FBXL7: variants seen among roughly 807,000 people sequenced by gnomAD.
FBXL7 encodes F-box and leucine rich repeat protein 7, also known as F-box/LRR-repeat protein 7.
Under a neutral mutation model 38.3 loss-of-function variants are expected in FBXL7, and 12 were observed. That is an observed-to-expected ratio of 0.31 (90% CI 0.20 to 0.51). The LOEUF is 0.51. Ranked by LOEUF, FBXL7 falls within the 20% of genes least tolerant of loss-of-function variation. FBXL7 has a pLI of 0.98. For missense variants in FBXL7, 567 were observed against 676.4 expected, an observed-to-expected ratio of 0.84 and a Z score of 1.79; for synonymous variants, 297 against 300.9, an observed-to-expected ratio of 0.99 and a Z score of 0.13.
chr5:15,521,108 C>T lies in FBXL7; in HGVS notation c.37+20395C>T, dbSNP rs185512266. Reference sequence around the variant, plus strand: ...CTAGCTGGACTAATTGCTAGTTGCCCGATCTTGTGCAAGTTTCTTAACCTA... The same window carrying T: ...CTAGCTGGACTAATTGCTAGTTGCCTGATCTTGTGCAAGTTTCTTAACCTA... On this transcript the variant is annotated intron_variant, in intron 1 of 3. Transcript: ENST00000504595. Among the ~76,000 whole-genome samples, 713 of 152,292 alleles carry T rather than the reference C, an allele frequency of 4.7e-3. 1 individual carries two copies. The highest frequency in any genetic ancestry group is 7.8e-3 in the Non-Finnish European group (532 of 68,036).
chr5:15,743,878 C>T (rs1043011933), intron 2 of FBXL7, among the ~76,000 whole-genome samples: 2 of 152,204 alleles, frequency 1.3e-5, no homozygotes, highest in Non-Finnish European at 1.5e-5. Flanking sequence ...ACGTGTAATC[C>T]ACCAAGGCTT....
chr5:15,738,091 C>A (rs958541473), intron 2 of FBXL7, among the ~76,000 whole-genome samples: 1 of 152,006 alleles, frequency 6.6e-6, no homozygotes, highest in Non-Finnish European at 1.5e-5. Context: ...TGGGAGGCAC[C>A]GTAGAACACA....
intron 2 of FBXL7, among the ~76,000 whole-genome samples, chr5:15,846,852 TAAA>T (rs1222930212): frequency 2.0e-5 from 3 of 152,168 alleles, no homozygotes; most frequent in Non-Finnish European, 4.4e-5. Context: ...GCAAATGATG[TAAA>T]AAGTTAATTC....
intron 2 of FBXL7, among the ~76,000 whole-genome samples, chr5:15,762,668 GTTAA>G (rs1736481058): frequency 6.6e-6 from 1 of 152,168 alleles, no homozygotes; most frequent in Non-Finnish European, 1.5e-5. Flanking sequence ...TGTTTTGAAA[GTTAA>G]TTAAATTCTT....
At position 15,832,392 on chromosome 5, in the gene FBXL7, G is replaced by A. The variant is rs1224052443; in HGVS notation, c.128-95498G>A. Among the ~76,000 whole-genome samples, 6 of 152,194 alleles carry A rather than the reference G, an allele frequency of 3.9e-5. No individual in the cohort carries two copies. In the East Asian group the frequency reaches 9.6e-4, roughly 24 times the overall value. On this transcript the variant is annotated intron_variant, in intron 2 of 3. Transcript: ENST00000504595. ...ACTAGGGAATAAATCAAGCAAGGGA[G>A]TGATTTGTTCCTTAACAAATACCAG... is the stretch of plus-strand genomic sequence containing the variant.
At chr5:15,821,162 GA>G (rs1235964181) in intron 2 of FBXL7, among the ~76,000 whole-genome samples, 1 of 152,148 alleles carries the variant, frequency 6.6e-6, no homozygotes, top group Non-Finnish European at 1.5e-5. Context: ...CCAAAGGTAA[GA>G]AATCACTGGG....
chr5:15,537,268 A>G (rs1380434178), intron 1 of FBXL7, among the ~76,000 whole-genome samples: 2 of 152,170 alleles, frequency 1.3e-5, no homozygotes, highest in African/African-American at 4.8e-5. Context: ...AGGAAGTGAA[A>G]TATCTTTTCA....
At chr5:15,923,856 GC>G (rs980521622) in intron 2 of FBXL7, among the ~76,000 whole-genome samples, 8 of 151,374 alleles carry the variant, frequency 5.3e-5, no homozygotes, top group Admixed American at 1.3e-4. Context: ...TCCCCCCTCC[GC>G]CCCCATGCAC....
intron 1 of FBXL7, among the ~76,000 whole-genome samples, chr5:15,592,604 A>G (rs774524886): frequency 6.6e-6 from 1 of 152,176 alleles, no homozygotes; most frequent in Non-Finnish European, 1.5e-5. Context: ...CCTCATGGAA[A>G]TGTTGTGCCA....
intron 2 of FBXL7, among the ~76,000 whole-genome samples, chr5:15,676,477 T>C (rs1742659178): frequency 6.6e-6 from 1 of 152,174 alleles, no homozygotes; most frequent in Non-Finnish European, 1.5e-5. Flanking sequence ...TCTGCAAAGG[T>C]TTTTGTTTTT....
At chr5:15,585,582 G>T (rs1044920729) in intron 1 of FBXL7, among the ~76,000 whole-genome samples, 1 of 152,164 alleles carries the variant, frequency 6.6e-6, no homozygotes, top group Non-Finnish European at 1.5e-5. Context: ...TTTCTTTGGG[G>T]TTTTAGTAGA....
chr5:15,784,310 C>T lies in FBXL7; in HGVS notation c.128-143580C>T, dbSNP rs144115447. On this transcript the variant is annotated intron_variant, in intron 2 of 3. Transcript: ENST00000504595. ...CAGGTTTGAATTTTTGTTATTATGACGTTAAATATATGCTGTTAGGTTTGT... is the reference window on the plus strand; with the variant it reads ...CAGGTTTGAATTTTTGTTATTATGATGTTAAATATATGCTGTTAGGTTTGT... Among the ~76,000 whole-genome samples the T allele has an allele frequency of 5.0e-3, 753 of 152,048 alleles. 4 individuals carry two copies. Among genetic ancestry groups the T allele is most frequent in the Non-Finnish European group, 8.5e-3 (580 of 67,994 alleles).
chr5:15,840,778 T>G (rs1214978787), intron 2 of FBXL7, among the ~76,000 whole-genome samples: 1 of 139,034 alleles, frequency 7.2e-6, no homozygotes, highest in Non-Finnish European at 1.5e-5. Context: ...ACCCAGGAGG[T>G]GGACGTTGCA....
chr5:15,767,913 T>C (rs1736631018), intron 2 of FBXL7, among the ~76,000 whole-genome samples: 1 of 152,186 alleles, frequency 6.6e-6, no homozygotes, highest in Non-Finnish European at 1.5e-5. Flanking sequence ...AATTTCTTAA[T>C]AATCACACAT....
chr5:15,684,250 A>T (rs1017268526), intron 2 of FBXL7, among the ~76,000 whole-genome samples: 35 of 152,316 alleles, frequency 2.3e-4, no homozygotes, highest in African/African-American at 7.5e-4. Flanking sequence ...GAACTTAGGA[A>T]TGATCTGGTA....
intron 2 of FBXL7, among the ~76,000 whole-genome samples, chr5:15,770,527 G>A (rs1736701795): frequency 6.6e-6 from 1 of 152,172 alleles, no homozygotes; most frequent in African/African-American, 2.4e-5. Flanking sequence ...CTGCAGAGAT[G>A]CCAGTGGCGA....
intron 2 of FBXL7, among the ~76,000 whole-genome samples, chr5:15,799,567 G>C (rs182920481): frequency 3.3e-5 from 5 of 152,122 alleles, no homozygotes; most frequent in Middle Eastern, 3.4e-3. Context: ...TGTCCACATT[G>C]GTCAGGCTGG....
intron 2 of FBXL7, among the ~76,000 whole-genome samples, chr5:15,837,597 A>T (rs149525176): frequency 2.1e-3 from 317 of 152,340 alleles, no homozygotes; most frequent in African/African-American, 7.1e-3. Context: ...ATTGAGCCAA[A>T]TTCTAGATAG....
intron 2 of FBXL7, among the ~76,000 whole-genome samples, chr5:15,753,691 G>T (rs560939542): frequency 6.6e-6 from 1 of 152,144 alleles, no homozygotes; most frequent in Admixed American, 6.5e-5. Context: ...GTACTTTGAT[G>T]TAGTTCTAGT....
Sources: allele counts gnomAD v4.1 joint callset (sites outside exome capture counted in the v4.1 genomes callset), GRCh38; gene constraint gnomAD v4.1.1; transcripts MANE v1.5; gene names NCBI Gene and HGNC (gene_info 2026-07-23, HGNC 2026-07-21).